The following EYS variants were observed in gnomAD, a reference collection of about 807,000 sequenced individuals.
EYS encodes the protein EGF-like photoreceptor maintenance factor.
Under a neutral mutation model 282.1 loss-of-function variants are expected in EYS, and 250 were observed. The observed-to-expected ratio is 0.89, with a 90% CI of 0.80 to 0.98. The LOEUF is 0.98. Ranked by LOEUF, EYS falls within the 50% of genes least tolerant of loss-of-function variation. The pLI is 0.00. For synonymous variants in EYS, 1,355 were observed against 1,282.9 expected (o/e 1.06, Z -1.20); for missense variants, 4,016 against 3,709.0 (o/e 1.08, Z -2.15).
chr6:65,542,885 T>A (rs1768224005), intron 2 of EYS, among the ~76,000 whole-genome samples: 1 of 152,184 alleles, frequency 6.6e-6, no homozygotes, highest in Non-Finnish European at 1.5e-5. Flanking sequence ...GCACTGTTAC[T>A]TTGATAACAT....
intron 29 of EYS, among the ~76,000 whole-genome samples, chr6:64,365,840 T>C (rs571475469): frequency 1.1e-4 from 16 of 151,994 alleles, no homozygotes; most frequent in Admixed American, 1.3e-4. Flanking sequence ...CTGTAATATA[T>C]TTGGACTGTG....
chr6:64,900,099 T>A (rs1767607788), intron 18 of EYS, among the ~76,000 whole-genome samples: 1 of 152,108 alleles, frequency 6.6e-6, no homozygotes, highest in African/African-American at 2.4e-5. Context: ...CATCTGATCT[T>A]TGACAAAGCT....
chr6:64,395,037 A>G (rs560502887), intron 28 of EYS, among the ~76,000 whole-genome samples: 1 of 152,346 alleles, frequency 6.6e-6, no homozygotes, highest in Admixed American at 6.5e-5. Flanking sequence ...AAAAATGCTC[A>G]TCATCACTGG....
intron 12 of EYS, among the ~76,000 whole-genome samples, chr6:65,227,650 A>G (rs1157724276): frequency 6.6e-6 from 1 of 152,184 alleles, no homozygotes; most frequent in Non-Finnish European, 1.5e-5. Context: ...TATTAATAAT[A>G]GACAAAAGCT....
intron 41 of EYS, among the ~76,000 whole-genome samples, chr6:63,757,315 C>A (rs1769514541): frequency 6.6e-6 from 1 of 152,022 alleles, no homozygotes; most frequent in Non-Finnish European, 1.5e-5. Context: ...TACCCTCAGG[C>A]TTACTAGGGT....
rs112165486 is a variant in EYS at position 65,298,061 on chromosome 6, A to G, written c.1767-1942T>C. Among the ~76,000 whole-genome samples, 1,303 of 152,172 alleles carry G rather than the reference A, an allele frequency of 8.6e-3. 19 individuals carry two copies. Among genetic ancestry groups the G allele is most frequent in the Non-Finnish European group, 0.011 (722 of 67,902 alleles). On this transcript the variant is annotated intron_variant, in intron 11 of 42. Transcript: ENST00000503581. The stretch of plus-strand genomic sequence containing the variant: ...CATGAAAATGAAAAGAAAATTGTAG[A>G]AAGTTCCTTCCTAAATGAACAGGAT...
At chr6:65,452,329 T>C (rs1582314098) in intron 5 of EYS, among the ~76,000 whole-genome samples, 1 of 95,980 alleles carries the variant, frequency 1.0e-5, no homozygotes, top group Non-Finnish European at 2.6e-5. Flanking sequence ...CATGGAAAGA[T>C]TTTTTTTTTT....
At chr6:64,485,315 A>G (rs1776549131) in intron 26 of EYS, among the ~76,000 whole-genome samples, 1 of 151,668 alleles carries the variant, frequency 6.6e-6, no homozygotes. Flanking sequence ...TCTCTAAGCC[A>G]TTAGGAGGCC....
intron 30 of EYS, among the ~76,000 whole-genome samples, chr6:64,254,451 C>T (rs935289582): frequency 6.6e-6 from 1 of 152,004 alleles, no homozygotes; most frequent in East Asian, 1.9e-4. Context: ...GGCCCCTCTG[C>T]GCTCTGTATT....
intron 26 of EYS, among the ~76,000 whole-genome samples, chr6:64,555,556 C>T (rs1268855685): frequency 6.6e-6 from 1 of 151,730 alleles, no homozygotes; most frequent in Non-Finnish European, 1.5e-5. Flanking sequence ...TAAGCCATTC[C>T]ACAATGTAGA....
At position 64,817,203 on chromosome 6, in the gene EYS, T is replaced by G. The variant is rs543805021; in HGVS notation, c.3244-3626A>C. Among the ~76,000 whole-genome samples the G allele has an allele frequency of 8.8e-4, 134 of 152,212 alleles. No individual in the cohort carries two copies. The Middle Eastern group carries it at 0.01, about 12-fold the overall frequency. Reference sequence around the variant, plus strand: ...CCTCTCCTGGAAAGCATTCTGATGGTTCAATCATTTAATTTCAAATAAAAA... The same window carrying G: ...CCTCTCCTGGAAAGCATTCTGATGGGTCAATCATTTAATTTCAAATAAAAA... On this transcript the variant is annotated intron_variant, in intron 21 of 42. Transcript: ENST00000503581.
At chr6:64,463,739 T>C (rs1226923475) in intron 26 of EYS, among the ~76,000 whole-genome samples, 3 of 152,072 alleles carry the variant, frequency 2.0e-5, no homozygotes, top group Non-Finnish European at 4.4e-5. Flanking sequence ...TTACAAATAA[T>C]ACCATAGAAA....
chr6:65,015,799 C>T (rs544206746), intron 13 of EYS, among the ~76,000 whole-genome samples: 27 of 135,616 alleles, frequency 2.0e-4, no homozygotes, highest in East Asian at 9.0e-4. Flanking sequence ...CTTTGGGAGG[C>T]GGAGGTCGAT....
chr6:65,483,401 C>A (rs1407859993), intron 5 of EYS, among the ~76,000 whole-genome samples: 1 of 151,948 alleles, frequency 6.6e-6, no homozygotes, highest in African/African-American at 2.4e-5. Context: ...GATATGAATT[C>A]CAAAATTCTG....
intron 1 of EYS, among the ~76,000 whole-genome samples, chr6:65,688,907 C>G (rs1769131296): frequency 6.6e-6 from 1 of 151,684 alleles, no homozygotes; most frequent in African/African-American, 2.4e-5. Context: ...GAAATAGGAA[C>G]ACTTTTACAC....
chr6:63,922,178 A>C (rs1238381776), intron 35 of EYS, among the ~76,000 whole-genome samples: 1 of 152,236 alleles, frequency 6.6e-6, no homozygotes, highest in Admixed American at 6.5e-5. Context: ...TCATTGTTTA[A>C]ATCACTCCAT....
intron 36 of EYS, among the ~76,000 whole-genome samples, chr6:63,841,175 G>C (rs1771947286): frequency 6.6e-6 from 1 of 152,102 alleles, no homozygotes; most frequent in African/African-American, 2.4e-5. Flanking sequence ...GGTAAGACTA[G>C]ATTAATGATT....
At chr6:64,333,580 C>A (rs1262131113) in intron 29 of EYS, among the ~76,000 whole-genome samples, 1 of 152,144 alleles carries the variant, frequency 6.6e-6, no homozygotes, top group Non-Finnish European at 1.5e-5. Context: ...CCCACTCAAT[C>A]TGACAGTACT....
At chr6:64,094,978 G>A (rs928602779) in intron 31 of EYS, among the ~76,000 whole-genome samples, 2 of 152,036 alleles carry the variant, frequency 1.3e-5, no homozygotes, top group Non-Finnish European at 2.9e-5. Flanking sequence ...GGTTTCAAAG[G>A]ACATCTTTAT....
Sources: allele counts gnomAD v4.1 joint callset (sites outside exome capture counted in the v4.1 genomes callset), GRCh38; gene constraint gnomAD v4.1.1; transcripts MANE v1.5; gene names NCBI Gene and HGNC (gene_info 2026-07-23, HGNC 2026-07-21).